Variants in HEMK1 observed in about 807,000 individuals in gnomAD.
The protein encoded by HEMK1 is MTRF1L release factor glutamine methyltransferase.
In HEMK1, 36 loss-of-function variants were observed where a neutral mutation model predicts 47.9. That is an observed-to-expected ratio of 0.75 (90% confidence interval 0.58 to 0.99). HEMK1 has a LOEUF of 0.99. Ranked by LOEUF, HEMK1 falls within the 50% of genes least tolerant of loss-of-function variation. The pLI is 0.00. For synonymous variants in HEMK1, 153 were observed against 165.4 expected (o/e 0.93, Z 0.57); for missense variants, 383 against 434.5 (o/e 0.88, Z 1.05).
rs1209999437 is a variant in HEMK1, at chr3:50,577,128, T to C, written c.491T>C (p.Leu164Pro). ...AVGSPGSPLI[L>P]EVGCGSGAIS... ...GGATCCCCAGGCAGCCCCCTCATTC[T>C]GGAGGTGGGCTGCGGATCAGGAGCC... The change falls in exon 5 of 11, where the codon CTG becomes CCG. Residue 164 changes from leucine (L) to proline (P), a missense_variant. Leu to Pro is a moderately conservative substitution (Grantham distance 98). Coordinates refer to ENST00000232854, the MANE Select transcript of HEMK1 (RefSeq NM_016173.5). 5 of 1,613,568 alleles carry C rather than the reference T, an allele frequency of 3.1e-6. No homozygotes were observed. In the African/African-American group the frequency reaches 4.0e-5, roughly 13 times the overall value.
chr3:50,579,982 C>T, intron 9 of HEMK1, 43 bp downstream of exon 9: 1 of 1,553,472 alleles, frequency 6.4e-7, no homozygotes, highest in Non-Finnish European at 8.9e-7. Flanking sequence ...CCAGCAGGCT[C>T]CTCTGCTCCT....
chr3:50,575,994 G>A (rs1575928472), intron 4 of HEMK1, among the ~76,000 whole-genome samples: 1 of 152,364 alleles, frequency 6.6e-6, no homozygotes, highest in East Asian at 1.9e-4. Context: ...CAAAGTGACA[G>A]TGTCTGAAAA....
At chr3:50,570,284 T>G (rs983857494) in intron 1 of HEMK1, 1 of 152,274 alleles carries the variant, frequency 6.6e-6, no homozygotes. Flanking sequence ...GACCGCTGAT[T>G]TTAAACCTTC....
Position 50,595,547 on chromosome 3 carries a change from C to G in HEMK1, c.*15130C>G, listed in dbSNP as rs1377016253. The G allele has an allele frequency of 6.6e-6, 1 of 152,152 alleles. No homozygotes were observed. The highest frequency in any genetic ancestry group is 1.9e-4 in the East Asian group (1 of 5,196). The allele number at this position is 152,152 out of a possible 1,614,324, so 9.4% of individuals were successfully genotyped here. Reference sequence around the variant, plus strand: ...GGGACAATAAAATCTGCCTTTTGCTCTGGAGGGAGATACTACCTCTATCTT... The same window carrying G: ...GGGACAATAAAATCTGCCTTTTGCTGTGGAGGGAGATACTACCTCTATCTT... On this transcript the variant is annotated 3_prime_UTR_variant, in exon 11 of 11. Coordinates refer to ENST00000232854, the MANE Select transcript of HEMK1 (RefSeq NM_016173.5).
chr3:50,589,432 T>TC lies in HEMK1; in HGVS notation c.*9015_*9016insC, dbSNP rs1340080705. The TC allele has an allele frequency of 2.0e-5, 3 of 151,654 alleles. No homozygotes were observed. Among genetic ancestry groups the TC allele is most frequent in the Non-Finnish European group, 4.4e-5 (3 of 67,900 alleles). The allele number at this position is 151,654 out of a possible 1,614,324, so 9.4% of individuals were successfully genotyped here. ...GGTTTTTAAAATTGGGTTTTTTTTT[T>TC]TTCAATAATTAAAAATATGAGCTGG... On this transcript the variant is annotated 3_prime_UTR_variant, in exon 11 of 11. Transcript: ENST00000232854.
intron 8 of HEMK1, 93 bp downstream of exon 8, chr3:50,579,019 G>C (rs2030301318): frequency 1.2e-5 from 11 of 922,210 alleles, no homozygotes. Flanking sequence ...AGGGACAGGG[G>C]AGTTGGTGCT....
In HEMK1 at chr3:50,580,452, C is replaced by G. The variant is rs762642910; in HGVS notation, c.*35C>G. 1.1e-5 allele frequency: 18 copies of G among 1,611,262 alleles called. No homozygotes were observed. Among genetic ancestry groups the G allele is most frequent in the Non-Finnish European group, 7.6e-6 (9 of 1,177,664 alleles). ...CCTGTGGATGCCTTGTCAGTGCCGC[C>G]AGCCTGACCAGAGGGGAGGTGGATG... On this transcript the variant is annotated 3_prime_UTR_variant, in exon 11 of 11. Coordinates refer to ENST00000232854, the MANE Select transcript of HEMK1 (RefSeq NM_016173.5).
In HEMK1 at chr3:50,583,309, C is replaced by CT. The variant is rs1427621196; in HGVS notation, c.*2898dup. ...GAACCCCCTAAATGCAAAAAATACT[C>CT]TTTTTTGCTCCTTTACCCCCACCTG... On this transcript the variant is annotated 3_prime_UTR_variant, in exon 11 of 11. Coordinates refer to ENST00000232854, the MANE Select transcript of HEMK1 (RefSeq NM_016173.5). The CT allele has an allele frequency of 6.6e-6, 1 of 152,202 alleles. No individual in the cohort carries two copies. Among genetic ancestry groups the CT allele is most frequent in the East Asian group, 1.9e-4 (1 of 5,196 alleles). 9.4% of individuals were successfully genotyped at this position (152,202 alleles called of 1,614,324 possible). A position where few individuals can be genotyped will look rare whatever the true frequency, so the allele number is the denominator to read the frequency against.
At chr3:50,576,380 C>A (rs1160651705) in intron 4 of HEMK1, among the ~76,000 whole-genome samples, 1 of 152,206 alleles carries the variant, frequency 6.6e-6, no homozygotes, top group Non-Finnish European at 1.5e-5. Flanking sequence ...AGGGAGTGGA[C>A]AGGAACTATC....
rs201412133 is a variant in HEMK1 at position 50,571,255 on chromosome 3, G to A, written c.151G>A (p.Val51Ile). The A allele has an allele frequency of 7.1e-5, 114 of 1,613,560 alleles. 2 individuals are homozygous for A. The South Asian group carries it at 1.1e-3, about 16-fold the overall frequency. The change falls in exon 2 of 11, where the codon GTC becomes ATC. Residue 51 changes from valine to isoleucine, a missense_variant. By Grantham distance (29) the Val-to-Ile change is conservative. Coordinates refer to ENST00000232854, the MANE Select transcript of HEMK1 (RefSeq NM_016173.5). ...AIELVSHWTG[V>I]FEKRGIPEAR... ...AGAACTGGTCAGCCACTGGACTGGGGTCTTTGAGAAGAGGGGTATCCCTGA... is the reference window on the plus strand; with the variant it reads ...AGAACTGGTCAGCCACTGGACTGGGATCTTTGAGAAGAGGGGTATCCCTGA...
chr3:50,570,384 T>C (rs1700806553), intron 1 of HEMK1: 1 of 152,180 alleles, frequency 6.6e-6, no homozygotes, highest in African/African-American at 2.4e-5. Context: ...TAGGTTAAAT[T>C]AGGAGGAAAT....
chr3:50,575,302 A>C (rs1450124974), intron 4 of HEMK1, among the ~76,000 whole-genome samples: 1 of 152,120 alleles, frequency 6.6e-6, no homozygotes, highest in Admixed American at 6.5e-5. Context: ...CATGCCTGTA[A>C]TCCCAGCTAC....
chr3:50,595,522 G>A lies in HEMK1; in HGVS notation c.*15105G>A, dbSNP rs1184223110. ...GTGGGAGATGTTATCTTTAGTATAC[G>A]GGACAATAAAATCTGCCTTTTGCTC... On this transcript the variant is annotated 3_prime_UTR_variant, in exon 11 of 11. Transcript: ENST00000232854. 1 of 152,128 alleles carries A rather than the reference G, an allele frequency of 6.6e-6. No individual in the cohort carries two copies. Among genetic ancestry groups the A allele is most frequent in the Non-Finnish European group, 1.5e-5 (1 of 68,036 alleles). The allele number at this position is 152,128 out of a possible 1,614,324, so 9.4% of individuals were successfully genotyped here.
In HEMK1 at chr3:50,588,791, C is replaced by G. The variant is rs2031556381; in HGVS notation, c.*8374C>G. 1 of 152,214 alleles carries G rather than the reference C, an allele frequency of 6.6e-6. No individual in the cohort carries two copies. Among genetic ancestry groups the G allele is most frequent in the Non-Finnish European group, 1.5e-5 (1 of 68,046 alleles). 9.4% of individuals were successfully genotyped at this position (152,214 alleles called of 1,614,324 possible). ...TTGTCATGGGGAGCATTTCAGGTCC[C>G]TAGGCCTGTGAGGTTCTGGGATGAG... On this transcript the variant is annotated 3_prime_UTR_variant, in exon 11 of 11. Transcript: ENST00000232854.
chr3:50,585,271 C>T lies in HEMK1; in HGVS notation c.*4854C>T, dbSNP rs1206277238. 6.6e-6 allele frequency: 1 copy of T among 152,290 alleles called. No homozygotes were observed. Among genetic ancestry groups the T allele is most frequent in the African/African-American group, 2.4e-5 (1 of 41,444 alleles). The allele number at this position is 152,290 out of a possible 1,614,324, so 9.4% of individuals were successfully genotyped here. A position where few individuals can be genotyped will look rare whatever the true frequency, so the allele number is the denominator to read the frequency against. ...GGGTGTGTGAGGATGAGCAGGGGCC[C>T]TGTACTCTCTGGGTTGCAGGTACTG... On this transcript the variant is annotated 3_prime_UTR_variant, in exon 11 of 11. Transcript: ENST00000232854.
rs2031440381 is a variant in HEMK1, at chr3:50,587,295, T to C, written c.*6878T>C. 6.6e-6 allele frequency: 1 copy of C among 152,228 alleles called. No homozygotes were observed. The highest frequency in any genetic ancestry group is 2.4e-5 in the African/African-American group (1 of 41,440). The allele number at this position is 152,228 out of a possible 1,614,324, so 9.4% of individuals were successfully genotyped here. On this transcript the variant is annotated 3_prime_UTR_variant, in exon 11 of 11. Coordinates refer to ENST00000232854, the MANE Select transcript of HEMK1 (RefSeq NM_016173.5). This position sits in a 1 kb window ranked among gnomAD's most constrained non-coding sequence, Gnocchi z 4.2. Reference sequence around the variant, plus strand: ...TGCAGCTGCTCCTGGGTGCATCTCCTGAGGTATAGGGCCAGGGCCTCAGTC... The same window carrying C: ...TGCAGCTGCTCCTGGGTGCATCTCCCGAGGTATAGGGCCAGGGCCTCAGTC...
Position 50,586,411 on chromosome 3 carries a change from C to A in HEMK1, c.*5994C>A, listed in dbSNP as rs2031366753. ...GAACTGGGCTGACCTCCACCTGCCC[C>A]AGCTATGCCTAAAGGGGGAGGGTGA... On this transcript the variant is annotated 3_prime_UTR_variant, in exon 11 of 11. Transcript: ENST00000232854. 1 of 152,260 alleles carries A rather than the reference C, an allele frequency of 6.6e-6. No individual in the cohort carries two copies. The highest frequency in any genetic ancestry group is 6.5e-5 in the Admixed American group (1 of 15,292). 9.4% of individuals were successfully genotyped at this position (152,260 alleles called of 1,614,324 possible). A position where few individuals can be genotyped will look rare whatever the true frequency, so the allele number is the denominator to read the frequency against.
chr3:50,580,112 G>T lies in HEMK1; in HGVS notation c.867-4G>T, dbSNP rs757010773. 8.7e-6 allele frequency: 14 copies of T among 1,612,102 alleles called. No individual in the cohort carries two copies. The highest frequency in any genetic ancestry group is 1.2e-5 in the Non-Finnish European group (14 of 1,178,164). ...CTGAGCCCACCCATTTCTCCCCCAT[G>T]TAGTAGTATCTTCTTAGAAGTGGAC... is the stretch of plus-strand genomic sequence containing the variant. On this transcript the variant is annotated splice_region_variant and splice_polypyrimidine_tract_variant and intron_variant, in intron 9 of 10. Transcript: ENST00000232854.
intron 3 of HEMK1, 94 bp from the exon 4 acceptor site, chr3:50,572,021 T>C: frequency 6.3e-7 from 1 of 1,575,790 alleles, no homozygotes. Flanking sequence ...TGGTCTTGCC[T>C]GATACCTTTG....
Sources: allele counts gnomAD v4.1 joint callset (sites outside exome capture counted in the v4.1 genomes callset), GRCh38; gene constraint gnomAD v4.1.1; non-coding constraint Gnocchi (gnomAD v3.1); transcripts MANE v1.5; gene names NCBI Gene and HGNC (gene_info 2026-07-23, HGNC 2026-07-21).